The following SLC25A6 variants were observed in gnomAD, a reference collection of about 807,000 sequenced individuals.
The protein encoded by SLC25A6 is solute carrier family 25 member 6.
SLC25A6 carries 9 observed loss-of-function variants against 25.7 expected under a neutral mutation model. That is an observed-to-expected ratio of 0.35 (90% CI 0.21 to 0.61). The LOEUF (loss-of-function observed/expected upper bound fraction) is 0.61, where lower values mean the gene tolerates loss of function less well. Ranked by LOEUF, SLC25A6 falls within the 20% of genes least tolerant of loss-of-function variation. The probability of loss-of-function intolerance (pLI) is 0.76; values close to 1 mark genes in which losing one functional copy is unlikely to be tolerated. For missense variants in SLC25A6, 404 were observed against 440.5 expected (o/e 0.92, Z 0.74); for synonymous variants, 223 against 197.0 (o/e 1.13, Z -1.11).
At position 1,386,732 on chromosome X, in the gene SLC25A6, T is replaced by G; in HGVS notation, c.767A>C (p.Asp256Ala). 6.2e-7 allele frequency: 1 copy of G among 1,611,504 alleles called. No individual in the cohort carries two copies. Among genetic ancestry groups the G allele is most frequent in the Non-Finnish European group, 8.5e-7 (1 of 1,178,724 alleles). ...ATCTCTGAAGATCTTCCTCCAACAG[T>G]CGACGGTGCCCGTGTACATGATGTC... ...GADIMYTGTV[D>A]CWRKIFRDEG... The change falls in exon 4 of 4, where the codon GAC (aspartate) becomes GCC (alanine). Residue 256 changes from aspartate to alanine, a missense_variant. Physicochemically the swap from Asp to Ala is moderately radical, Grantham distance 126 (BLOSUM62 -2). Coordinates refer to ENST00000381401, the MANE Select transcript of SLC25A6 (RefSeq NM_001636.4).
intron 1 of SLC25A6, 87 bp from the exon 2 acceptor site, chrX:1,389,814 CAA>C: frequency 6.4e-7 from 1 of 1,552,982 alleles, no homozygotes; most frequent in Non-Finnish European, 8.7e-7. Flanking sequence ...TTTTTTGACA[CAA>C]GTCACTCTTG....
rs1478223202 is a variant in SLC25A6 at position 1,389,734 on chromosome X, G to A, written c.112-7C>T. 2 of 1,610,940 alleles carry A rather than the reference G, an allele frequency of 1.2e-6. No homozygotes were observed. Among genetic ancestry groups the A allele is most frequent in the Admixed American group, 1.7e-5 (1 of 59,978 alleles). ...GCTTGCTGGCGTGCTGGACCTGGGG[G>A]ACGCAGAGGGTGTTCAGACCAGACC... On this transcript the variant is annotated splice_region_variant and splice_polypyrimidine_tract_variant and intron_variant, in intron 1 of 3. Coordinates refer to ENST00000381401, the MANE Select transcript of SLC25A6 (RefSeq NM_001636.4).
rs759470726 is a variant in SLC25A6, at chrX:1,388,179, G to A, written c.599-760C>T. Among the ~76,000 whole-genome samples the A allele has an allele frequency of 2.0e-3, 295 of 151,070 alleles. 1 individual carries two copies. The highest frequency in any genetic ancestry group is 6.8e-3 in the Middle Eastern group (2 of 294). ...TGTGAGGACACAGGGAGAAGACGGC[G>A]TCTACAAGCCCAGGAGAGAGGCCTC... On this transcript the variant is annotated intron_variant, in intron 2 of 3. Transcript: ENST00000381401.
At chrX:1,390,579 A>G (rs1490853957) in intron 1 of SLC25A6, among the ~76,000 whole-genome samples, 2 of 109,972 alleles carry the variant, frequency 1.8e-5, no homozygotes, top group Non-Finnish European at 4.5e-5. Flanking sequence ...CTCCATCTCA[A>G]AAAAAAAAAA....
Position 1,386,340 on chromosome X carries a change from C to T in SLC25A6, c.*262G>A, listed in dbSNP as rs1341289214. The T allele has an allele frequency of 2.6e-4, 116 of 444,546 alleles. No homozygotes were observed. The East Asian group carries it at 4.2e-3, about 16-fold the overall frequency. The allele number at this position is 444,546 out of a possible 1,614,324, so 27.5% of individuals were successfully genotyped here. A position where few individuals can be genotyped will look rare whatever the true frequency, so the allele number is the denominator to read the frequency against. On this transcript the variant is annotated 3_prime_UTR_variant, in exon 4 of 4. Coordinates refer to ENST00000381401, the MANE Select transcript of SLC25A6 (RefSeq NM_001636.4). ...AGCATCTGGACTCTAGGTCTCAGTA[C>T]TGGAGTGTCTCACCCATGGGCCCCA...
In SLC25A6 at chrX:1,389,486, G is replaced by A; in HGVS notation, c.353C>T (p.Ala118Val). The A allele has an allele frequency of 6.2e-7, 1 of 1,614,126 alleles. No homozygotes were observed. Among genetic ancestry groups the A allele is most frequent in the Non-Finnish European group, 8.5e-7 (1 of 1,180,004 alleles). Residue 118 changes from alanine to valine, a missense_variant, in exon 2 of 4, where the codon GCC (alanine) becomes GTC (valine). By Grantham distance (64) the Ala-to-Val change is moderately conservative. Coordinates refer to ENST00000381401, the MANE Select transcript of SLC25A6 (RefSeq NM_001636.4). ...QFWRYFAGNL[A>V]SGGAAGATSL... ...GGTCGCGCCGGCCGCACCGCCGGAGGCCAGGTTGCCCGCAAAGTACCTCCA... is the reference window on the plus strand; with the variant it reads ...GGTCGCGCCGGCCGCACCGCCGGAGACCAGGTTGCCCGCAAAGTACCTCCA...
In SLC25A6 at chrX:1,386,343, G is replaced by C; in HGVS notation, c.*259C>G. ...ATCTGGACTCTAGGTCTCAGTACTG[G>C]AGTGTCTCACCCATGGGCCCCACGC... On this transcript the variant is annotated 3_prime_UTR_variant, in exon 4 of 4. Coordinates refer to ENST00000381401, the MANE Select transcript of SLC25A6 (RefSeq NM_001636.4). The C allele has an allele frequency of 2.2e-6, 1 of 447,752 alleles. No individual in the cohort carries two copies. Among genetic ancestry groups the C allele is most frequent in the Non-Finnish European group, 3.9e-6 (1 of 257,420 alleles). 27.7% of individuals were successfully genotyped at this position (447,752 alleles called of 1,614,324 possible).
chrX:1,386,574 TG>T lies in SLC25A6; in HGVS notation c.*27del. The T allele has an allele frequency of 6.6e-7, 1 of 1,514,994 alleles. No individual in the cohort carries two copies. The highest frequency in any genetic ancestry group is 8.8e-7 in the Non-Finnish European group (1 of 1,133,214). The allele number at this position is 1,514,994 out of a possible 1,614,324, so 93.8% of individuals were successfully genotyped here. A position where few individuals can be genotyped will look rare whatever the true frequency, so the allele number is the denominator to read the frequency against. ...TGGTTCTCTTGGTTCCCCTGGTGTG[TG>T]TGTGTGTGTGGAGGAGGCCGCGGCC... On this transcript the variant is annotated 3_prime_UTR_variant, in exon 4 of 4. Transcript: ENST00000381401.
chrX:1,391,647 C>T (rs780772585), intron 1 of SLC25A6, among the ~76,000 whole-genome samples: 2 of 152,356 alleles, frequency 1.3e-5, no homozygotes, highest in South Asian at 2.1e-4. Context: ...CTGCTCAGCG[C>T]GCATGCGCCC....
rs1367638929 is a variant in SLC25A6 at position 1,386,262 on chromosome X, A to T, written c.*340T>A. The T allele has an allele frequency of 7.1e-6, 2 of 281,508 alleles. No individual in the cohort carries two copies. The highest frequency in any genetic ancestry group is 4.4e-5 in the African/African-American group (2 of 45,932). 17.4% of individuals were successfully genotyped at this position (281,508 alleles called of 1,614,324 possible). A position where few individuals can be genotyped will look rare whatever the true frequency, so the allele number is the denominator to read the frequency against. ...GCTAGCGCTGAAGTACAAATGGGAA[A>T]ACGTGATTCTTTTGTTTTAAATAAA... is the stretch of plus-strand genomic sequence containing the variant. On this transcript the variant is annotated 3_prime_UTR_variant, in exon 4 of 4. Transcript: ENST00000381401.
intron 1 of SLC25A6, among the ~76,000 whole-genome samples, chrX:1,390,799 C>T (rs1316321434): frequency 6.6e-5 from 10 of 150,506 alleles, no homozygotes; most frequent in Admixed American, 3.3e-4. Context: ...TGGGACACCC[C>T]GCCCTGCTAA....
Position 1,389,296 on chromosome X carries a change from C to T in SLC25A6, c.543G>A (p.Val181=). The change falls in exon 2 of 4, where the codon GTG becomes GTA. Residue 181 remains valine (V), a synonymous_variant. Coordinates refer to ENST00000381401, the MANE Select transcript of SLC25A6 (RefSeq NM_001636.4). The stretch of plus-strand genomic sequence containing the variant: ...CCGCCCGGTAGATGATGATGCCCTG[C>T]ACGGAGACACTGAAGCCCTGGTACA... ...RGLYQGFSVS[V]QGIIIYRAAY... 1.9e-6 allele frequency: 3 copies of T among 1,613,908 alleles called. No individual in the cohort carries two copies. The highest frequency in any genetic ancestry group is 2.5e-6 in the Non-Finnish European group (3 of 1,179,868).
At chrX:1,388,324 C>G (rs1169914297) in intron 2 of SLC25A6, among the ~76,000 whole-genome samples, 4 of 147,378 alleles carry the variant, frequency 2.7e-5, no homozygotes, top group East Asian at 2.0e-4. Flanking sequence ...ATAGCAGCCT[C>G]AAATGGACTA....
intron 2 of SLC25A6, 134 bp downstream of exon 2, chrX:1,389,106 CA>C (rs2089366691): frequency 1.1e-6 from 1 of 921,442 alleles, no homozygotes. Context: ...ACGGCGTCTC[CA>C]AGTCCAGGAG....
chrX:1,391,464 G>A (rs1457399773), intron 1 of SLC25A6, among the ~76,000 whole-genome samples: 3 of 152,324 alleles, frequency 2.0e-5, no homozygotes, highest in Middle Eastern at 3.4e-3. Flanking sequence ...GTTATTCCAG[G>A]ACACCTGCGG....
rs11550233 is a variant in SLC25A6 at position 1,389,614 on chromosome X, A to C, written c.225T>G (p.Leu75=). The change falls in exon 2 of 4, where the codon CTT becomes CTG. Residue 75 remains leucine (L), a synonymous_variant. Transcript: ENST00000381401. ...TGGGGAAGTAGCGAATGACGTTGGCAAGGTTGCCCCTCCAGAAGGACAGCA... is the reference window on the plus strand; with the variant it reads ...TGGGGAAGTAGCGAATGACGTTGGCCAGGTTGCCCCTCCAGAAGGACAGCA... ...QGVLSFWRGN[L]ANVIRYFPTQ... is the part of the protein sequence containing the mutation. 211 of 1,614,122 alleles carry C rather than the reference A, an allele frequency of 1.3e-4. No homozygotes were observed. The African/African-American group carries it at 2.3e-3, about 18-fold the overall frequency.
rs2089377898 is a variant in SLC25A6 at position 1,389,790 on chromosome X, A to G, written c.112-63T>C. ...CCAACCACCCAGAAACATCCCAGCT[A>G]CAGGGTGCATCCTTTTTTTGACACA... On this transcript the variant is annotated intron_variant, in intron 1 of 3. Transcript: ENST00000381401. 3 of 1,579,758 alleles carry G rather than the reference A, an allele frequency of 1.9e-6. No homozygotes were observed. In the Admixed American group the frequency reaches 5.2e-5, roughly 27 times the overall value.
chrX:1,389,409 C>G lies in SLC25A6; in HGVS notation c.430G>C (p.Asp144His). The change falls in exon 2 of 4, where the codon GAC becomes CAC. Residue 144 changes from aspartate to histidine, a missense_variant. By Grantham distance (81) the Asp-to-His change is moderately conservative (BLOSUM62 -1). Coordinates refer to ENST00000381401, the MANE Select transcript of SLC25A6 (RefSeq NM_001636.4). ...CGCTCTGTGCCTGACTTTCCCACGT[C>G]CGCTGCCAGGCGGGTTCTGGCGAAA... ...LDFARTRLAA[D>H]VGKSGTEREF... is the part of the protein sequence containing the mutation. 6.2e-7 allele frequency: 1 copy of G among 1,613,784 alleles called. No individual in the cohort carries two copies. Among genetic ancestry groups the G allele is most frequent in the Non-Finnish European group, 8.5e-7 (1 of 1,179,864 alleles).
chrX:1,391,884 C>A lies in SLC25A6; in HGVS notation c.111+15G>T. 6.3e-7 allele frequency: 1 copy of A among 1,576,036 alleles called. No individual in the cohort carries two copies. Among genetic ancestry groups the A allele is most frequent in the South Asian group, 1.2e-5 (1 of 86,244 alleles). ...CGTCCCCTAGTCCCCGGAGCGGCCG[C>A]GCCCGCGTCCCCACCTGCAGCAGCA... is the stretch of plus-strand genomic sequence containing the variant. On this transcript the variant is annotated intron_variant, in intron 1 of 3. Coordinates refer to ENST00000381401, the MANE Select transcript of SLC25A6 (RefSeq NM_001636.4).
Sources: gnomAD v4.1 joint callset for allele counts (sites outside exome capture counted in the v4.1 genomes callset) on GRCh38, gnomAD v4.1.1 for gene constraint, MANE v1.5 for transcripts, NCBI Gene and HGNC (gene_info 2026-07-23, HGNC 2026-07-21) for gene names.